Variants in GAS5 observed in about 807,000 individuals in gnomAD.
GAS5 encodes the protein growth arrest specific 5.
At chr1:173,866,843 A>G in intron 1 of GAS5, 4 of 765,554 alleles carry the variant, frequency 5.2e-6, no homozygotes, top group Non-Finnish European at 9.6e-6. Flanking sequence ...TGAACCTCAC[A>G]GCAGTCACGT....
chr1:173,866,305 ACAT>A (rs755376938), intron 3 of GAS5: 6 of 517,164 alleles, frequency 1.2e-5, no homozygotes, highest in South Asian at 4.2e-5. Context: ...TACCCCAGAT[ACAT>A]CAGACAGATA....
intron 5 of GAS5, chr1:173,865,672 T>A (rs1158019787): frequency 1.9e-6 from 1 of 519,112 alleles, no homozygotes; most frequent in Non-Finnish European, 3.8e-6. Flanking sequence ...AGACATTTGA[T>A]CAACATCATT....
intron 6 of GAS5, chr1:173,865,142 T>G: frequency 3.0e-6 from 1 of 338,858 alleles, no homozygotes; most frequent in Non-Finnish European, 5.7e-6. Context: ...GAGGTTGCAG[T>G]GAACTGATAG....
At chr1:173,866,507 T>C in intron 3 of GAS5, 1 of 681,478 alleles carries the variant, frequency 1.5e-6, no homozygotes, top group Admixed American at 2.0e-5. Flanking sequence ...AAGTGAGAAG[T>C]ACAAAATAGA....
chr1:173,867,833 A>G (rs572153776), upstream of GAS5: 2 of 504,820 alleles, frequency 4.0e-6, no homozygotes, highest in Admixed American at 4.0e-5. Flanking sequence ...ATCCCCCACC[A>G]TCCTCAACTT....
intron 1 of GAS5, chr1:173,866,905 C>A (rs374895409): frequency 2.6e-6 from 2 of 765,196 alleles, no homozygotes; most frequent in African/African-American, 3.4e-5. Context: ...TTCAGAAATC[C>A]CTTCTGTCCA....
At chr1:173,866,344 C>T in intron 3 of GAS5, 1 of 524,044 alleles carries the variant, frequency 1.9e-6, no homozygotes, top group Non-Finnish European at 3.8e-6. Flanking sequence ...ATTAAATCTG[C>T]TGAACTATGC....
intron 5 of GAS5, chr1:173,865,741 C>T: frequency 1.9e-6 from 1 of 519,158 alleles, no homozygotes; most frequent in South Asian, 1.4e-5. Context: ...TCCAGACATG[C>T]TCAAGGAAAA....
upstream of GAS5, chr1:173,868,611 C>G (rs867179473): frequency 2.6e-5 from 4 of 152,480 alleles, no homozygotes; most frequent in African/African-American, 9.6e-5. Context: ...CGCGGGGCCC[C>G]TCCCTCAGGA....
intron 6 of GAS5, chr1:173,864,565 A>G (rs958087383): frequency 2.6e-6 from 1 of 383,958 alleles, no homozygotes. Flanking sequence ...TTTCCTTCTC[A>G]GTCACATTTT....
chr1:173,867,022 G>A (rs1027440507), exon 1 of GAS5: 3 of 762,842 alleles, frequency 3.9e-6, no homozygotes, highest in Non-Finnish European at 7.2e-6. Flanking sequence ...GAGCCACACT[G>A]CATCTGCACC....
At chr1:173,864,522 AAAT>A (rs1184780846) in intron 6 of GAS5, 9 of 437,118 alleles carry the variant, frequency 2.1e-5, no homozygotes, top group African/African-American at 1.8e-4. Flanking sequence ...TGAAGATGAA[AAAT>A]AATACCCATT....
chr1:173,866,653 G>T lies in GAS5; in HGVS notation n.92-86C>A, dbSNP rs186955787. 5 of 764,474 alleles carry T rather than the reference G, an allele frequency of 6.5e-6. No individual in the cohort carries two copies. The African/African-American group carries it at 6.8e-5, about 10-fold the overall frequency. 47.4% of individuals were successfully genotyped at this position (764,474 alleles called of 1,614,324 possible). A position where few individuals can be genotyped will look rare whatever the true frequency, so the allele number is the denominator to read the frequency against. ...TTTGGGTGCCTCAGTTAAGATAATGGTGGTTAAGATCCTCATCATTCTAGC... is the reference window on the plus strand; with the variant it reads ...TTTGGGTGCCTCAGTTAAGATAATGTTGGTTAAGATCCTCATCATTCTAGC... On this transcript the variant is annotated intron_variant and non_coding_transcript_variant, in intron 2 of 7. Coordinates refer to ENST00000651080, the Ensembl canonical transcript of GAS5.
intron 6 of GAS5, chr1:173,864,947 G>A (rs1247559663): frequency 1.9e-6 from 1 of 514,280 alleles, no homozygotes; most frequent in Non-Finnish European, 3.9e-6. Flanking sequence ...GGCGGGGCAT[G>A]GTGGCTCACG....
At chr1:173,865,013 A>G in intron 6 of GAS5, 3 of 451,594 alleles carry the variant, frequency 6.6e-6, no homozygotes, top group South Asian at 4.7e-5. Flanking sequence ...TGAGGTCAAG[A>G]GTTCGAGACC....
upstream of GAS5, chr1:173,868,442 C>A (rs548288319): frequency 6.5e-6 from 1 of 153,642 alleles, no homozygotes; most frequent in African/African-American, 2.4e-5. Flanking sequence ...GGGCCCCACA[C>A]CCCAGTGCCA....
At chr1:173,867,847 G>A (rs1000607514), upstream of GAS5, 1 of 485,886 alleles carries the variant, frequency 2.1e-6, no homozygotes, top group Non-Finnish European at 4.2e-6. Flanking sequence ...TCAACTTGTA[G>A]GCCCTGCAAA....
intron 6 of GAS5, chr1:173,864,771 A>C (rs764710125): frequency 3.9e-6 from 2 of 516,248 alleles, no homozygotes; most frequent in Non-Finnish European, 7.7e-6. Context: ...AAAATCTCCA[A>C]ACATTATAGA....
At chr1:173,867,954 A>G (rs1421141236), upstream of GAS5, 1 of 355,982 alleles carries the variant, frequency 2.8e-6, no homozygotes, top group Non-Finnish European at 5.6e-6. Context: ...CAAAGATAAA[A>G]CATACCTCAC....
Sources: gnomAD v4.1 joint callset for allele counts on GRCh38, gnomAD v4.1.1 for gene constraint, MANE v1.5 for transcripts, NCBI Gene and HGNC (gene_info 2026-07-23, HGNC 2026-07-21) for gene names.